POC1A: variants seen among roughly 807,000 people sequenced by gnomAD.
The protein encoded by POC1A is POC1 centriolar protein A, also known as POC1 centriolar protein homolog A.
POC1A carries 34 observed loss-of-function variants against 47.8 expected under a neutral mutation model. The observed-to-expected ratio is 0.71, with a 90% CI of 0.54 to 0.95. The LOEUF is 0.95. POC1A is among the 40% of genes least tolerant of loss of function. The pLI is 0.00. For missense variants in POC1A, 466 were observed against 528.3 expected, an observed-to-expected ratio of 0.88 and a Z score of 1.16; for synonymous variants, 177 against 207.6, an observed-to-expected ratio of 0.85 and a Z score of 1.27.
At chr3:52,120,998 C>T (rs1192607953) in intron 9 of POC1A, among the ~76,000 whole-genome samples, 2 of 152,242 alleles carry the variant, frequency 1.3e-5, no homozygotes, top group East Asian at 3.8e-4. Flanking sequence ...AGCCAGCAGT[C>T]CTCTGCCACC....
chr3:52,127,239 T>A (rs1051171291), intron 7 of POC1A, among the ~76,000 whole-genome samples: 1 of 152,204 alleles, frequency 6.6e-6, no homozygotes, highest in East Asian at 1.9e-4. Flanking sequence ...CCCCTGCTCA[T>A]GCAGGGCCTG....
chr3:52,091,818 A>C (rs954066922), intron 10 of POC1A, among the ~76,000 whole-genome samples: 12 of 152,182 alleles, frequency 7.9e-5, no homozygotes, highest in African/African-American at 2.9e-4. Context: ...CCAGTCTAGC[A>C]CACTCAGTTA....
intron 10 of POC1A, among the ~76,000 whole-genome samples, chr3:52,094,445 AC>A (rs1167998034): frequency 6.6e-6 from 1 of 152,166 alleles, no homozygotes; most frequent in African/African-American, 2.4e-5. Flanking sequence ...GAAACTTTCA[AC>A]CCCCTGGTGG....
intron 9 of POC1A, among the ~76,000 whole-genome samples, chr3:52,119,791 C>T (rs1703702397): frequency 6.6e-6 from 1 of 152,150 alleles, no homozygotes; most frequent in Non-Finnish European, 1.5e-5. Context: ...TGCTAAATAT[C>T]CCACAATGCA....
At chr3:52,131,853 G>A (rs930124007) in intron 7 of POC1A, among the ~76,000 whole-genome samples, 3 of 152,100 alleles carry the variant, frequency 2.0e-5, no homozygotes, top group East Asian at 3.9e-4. Flanking sequence ...GAGAGGAAAC[G>A]CGCGCCTCCA....
At position 52,079,805 on chromosome 3, in the gene POC1A, A is replaced by T. The variant is rs927174720; in HGVS notation, c.1126-3820T>A. Among the ~76,000 whole-genome samples the T allele has an allele frequency of 6.6e-6, 1 of 152,134 alleles. No homozygotes were observed. Among genetic ancestry groups the T allele is most frequent in the East Asian group, 1.9e-4 (1 of 5,196 alleles). On this transcript the variant is annotated intron_variant, in intron 10 of 10. Transcript: ENST00000296484. This position sits in a 1 kb window ranked among gnomAD's most constrained non-coding sequence, Gnocchi z 4.6. ...CCAGGAAAGATGGCCCATCTCCCAG[A>T]ACTCCCTCTTGCTGGGGTCCAACTC...
chr3:52,153,569 C>CTCTTA (rs1698623515), intron 1 of POC1A, among the ~76,000 whole-genome samples: 2 of 152,258 alleles, frequency 1.3e-5, no homozygotes, highest in Admixed American at 1.3e-4. Flanking sequence ...AAGAGAGTGT[C>CTCTTA]CGCCCCTAGG....
At chr3:52,147,136 A>C in intron 4 of POC1A, 41 bp from the exon 5 acceptor site, 1 of 1,465,066 alleles carries the variant, frequency 6.8e-7, no homozygotes, top group Non-Finnish European at 9.6e-7. Flanking sequence ...AGACTAACAG[A>C]CGACATGGGC....
intron 6 of POC1A, among the ~76,000 whole-genome samples, chr3:52,142,702 G>C (rs569966521): frequency 6.6e-6 from 1 of 152,312 alleles, no homozygotes; most frequent in East Asian, 1.9e-4. Flanking sequence ...GTGTCCGTAG[G>C]TTTCCCTTGG....
At chr3:52,150,204 A>G (rs570470891) in intron 2 of POC1A, among the ~76,000 whole-genome samples, 1 of 152,330 alleles carries the variant, frequency 6.6e-6, no homozygotes, top group East Asian at 1.9e-4. Flanking sequence ...GCACACCCAC[A>G]TGGGAATAAG....
At chr3:52,132,377 T>A (rs2107135693) in intron 7 of POC1A, among the ~76,000 whole-genome samples, 1 of 151,960 alleles carries the variant, frequency 6.6e-6, no homozygotes, top group South Asian at 2.1e-4. Flanking sequence ...AATACTGGGG[T>A]TTTCCTGAGA....
chr3:52,112,677 CA>C (rs1703426735), intron 9 of POC1A, among the ~76,000 whole-genome samples: 2 of 152,082 alleles, frequency 1.3e-5, no homozygotes, highest in African/African-American at 4.8e-5. Context: ...AACAAACACA[CA>C]AAAAAGAACC....
chr3:52,092,601 A>T (rs1702679801), intron 10 of POC1A, among the ~76,000 whole-genome samples: 2 of 152,200 alleles, frequency 1.3e-5, no homozygotes, highest in African/African-American at 2.4e-5. Flanking sequence ...GATAAAAACC[A>T]GGAGGATGAA....
chr3:52,142,967 A>G (rs1698247709), intron 6 of POC1A, among the ~76,000 whole-genome samples: 1 of 152,062 alleles, frequency 6.6e-6, no homozygotes, highest in Non-Finnish European at 1.5e-5. Flanking sequence ...GCTCAGATCA[A>G]CCTGGCTCAC....
At chr3:52,092,892 G>A (rs1702689241) in intron 10 of POC1A, among the ~76,000 whole-genome samples, 1 of 152,220 alleles carries the variant, frequency 6.6e-6, no homozygotes, top group Non-Finnish European at 1.5e-5. Flanking sequence ...CTCTTGGCCT[G>A]GGAAGGCTGG....
intron 10 of POC1A, among the ~76,000 whole-genome samples, chr3:52,093,423 T>C (rs955806629): frequency 2.6e-5 from 4 of 152,144 alleles, no homozygotes; most frequent in Non-Finnish European, 5.9e-5. Context: ...AGTGGAAAAT[T>C]GGGAGAGCTA....
chr3:52,099,832 C>T (rs1364622813), intron 9 of POC1A, among the ~76,000 whole-genome samples: 1 of 152,220 alleles, frequency 6.6e-6, no homozygotes, highest in Non-Finnish European at 1.5e-5. Context: ...GCCTGGGCAA[C>T]AGAGCAAGAC....
intron 1 of POC1A, 82 bp downstream of exon 1, chr3:52,154,273 G>A (rs1698652188): frequency 2.1e-6 from 3 of 1,410,228 alleles, no homozygotes; most frequent in Admixed American, 4.2e-5. Flanking sequence ...CCCGCCCCTC[G>A]CAGCCATCGC....
intron 10 of POC1A, among the ~76,000 whole-genome samples, chr3:52,086,618 G>A (rs1400617349): frequency 1.3e-5 from 2 of 152,222 alleles, no homozygotes. Context: ...TTGCTAGCCT[G>A]CTGCCACATG....
Sources: gnomAD v4.1 joint callset for allele counts (sites outside exome capture counted in the v4.1 genomes callset) on GRCh38, gnomAD v4.1.1 for gene constraint, Gnocchi (gnomAD v3.1) non-coding constraint, MANE v1.5 for transcripts, NCBI Gene and HGNC (gene_info 2026-07-23, HGNC 2026-07-21) for gene names.